Variants in UGT2B15 observed in about 807,000 individuals in gnomAD.
The protein encoded by UGT2B15 is UDP glucuronosyltransferase family 2 member B15.
In UGT2B15, 36 loss-of-function variants were observed where a neutral mutation model predicts 45.9. That is an observed-to-expected ratio of 0.78 (90% CI 0.60 to 1.04). The LOEUF (loss-of-function observed/expected upper bound fraction) is 1.04, where lower values mean the gene tolerates loss of function less well. Ranked by LOEUF, UGT2B15 falls within the 50% of genes least tolerant of loss-of-function variation. The pLI, the probability that UGT2B15 is intolerant of heterozygous loss-of-function variation, is 0.00. For synonymous variants in UGT2B15, 219 were observed against 216.4 expected, an observed-to-expected ratio of 1.01 and a Z score of -0.11; for missense variants, 617 against 622.4, an observed-to-expected ratio of 0.99 and a Z score of 0.09.
chr4:68,649,869 G>A (rs1348394657), intron 5 of UGT2B15, among the ~76,000 whole-genome samples: 2 of 150,766 alleles, frequency 1.3e-5, no homozygotes, highest in South Asian at 4.2e-4. Flanking sequence ...ATGGAGTCTC[G>A]CTCTGTCACC....
chr4:68,660,893 C>A (rs1732944685), intron 3 of UGT2B15, among the ~76,000 whole-genome samples: 1 of 151,866 alleles, frequency 6.6e-6, no homozygotes, highest in Admixed American at 6.6e-5. Flanking sequence ...AATCCACTTT[C>A]ATACCTGCCT....
chr4:68,654,243 G>A lies in UGT2B15; in HGVS notation c.1107C>T (p.Thr369=). 5 of 1,612,892 alleles carry A rather than the reference G, an allele frequency of 3.1e-6. No homozygotes were observed. Among genetic ancestry groups the A allele is most frequent in the Non-Finnish European group, 4.2e-6 (5 of 1,179,292 alleles). The stretch of plus-strand genomic sequence containing the variant: ...TTCCACCATGAGTTATAAAAGCTTT[G>A]GTTTTGGGATGACCTAAAAGTGGAT... ...PQNDLLGHPK[T]KAFITHGGTN... is the part of the protein sequence containing the mutation. Residue 369 remains threonine, a synonymous_variant, in exon 5 of 6, where the codon ACC becomes ACT. Coordinates refer to ENST00000338206, the MANE Select transcript of UGT2B15 (RefSeq NM_001076.4).
chr4:68,655,106 T>C lies in UGT2B15; in HGVS notation c.1082A>G (p.Asn361Ser), dbSNP rs373530772. ...NTRLYKWLPQ[N>S]DLLGHPKTKA... Reference sequence around the variant, plus strand: ...CTCCAGAATCTTACCAAGAAGGTCATTCTGGGGTAACCACTTGTACAGTCG... The same window carrying C: ...CTCCAGAATCTTACCAAGAAGGTCACTCTGGGGTAACCACTTGTACAGTCG... The change falls in exon 4 of 6, where the codon AAT (asparagine) becomes AGT (serine). Residue 361 changes from asparagine to serine, a missense_variant. Physicochemically the swap from Asn to Ser is conservative, Grantham distance 46. Coordinates refer to ENST00000338206, the MANE Select transcript of UGT2B15 (RefSeq NM_001076.4). 8 of 1,613,080 alleles carry C rather than the reference T, an allele frequency of 5.0e-6. No homozygotes were observed. In the African/African-American group the frequency reaches 9.3e-5, roughly 19 times the overall value.
chr4:68,649,185 A>G (rs566594220), intron 5 of UGT2B15, among the ~76,000 whole-genome samples: 1 of 150,836 alleles, frequency 6.6e-6, no homozygotes, highest in African/African-American at 2.4e-5. Context: ...AGAACATATA[A>G]TTTTTATGAA....
intron 4 of UGT2B15, 91 bp from the exon 5 acceptor site, chr4:68,654,347 T>A: frequency 7.4e-7 from 1 of 1,345,876 alleles, no homozygotes; most frequent in South Asian, 1.5e-5. Flanking sequence ...AAAGCAAAAC[T>A]GTTCCCTAGG....
At chr4:68,647,468 GT>G in intron 5 of UGT2B15, 85 bp from the exon 6 acceptor site, 1 of 1,401,122 alleles carries the variant, frequency 7.1e-7, no homozygotes, top group Non-Finnish European at 9.6e-7. Context: ...TTTGAAAAGT[GT>G]CACACAAATG....
chr4:68,656,004 CAAAG>C (rs1219975971), intron 3 of UGT2B15, among the ~76,000 whole-genome samples: 1 of 152,064 alleles, frequency 6.6e-6, no homozygotes, highest in Non-Finnish European at 1.5e-5. Context: ...ATGGCTCAAA[CAAAG>C]AAGACAATTG....
intron 3 of UGT2B15, among the ~76,000 whole-genome samples, chr4:68,656,360 C>T (rs1367598337): frequency 6.6e-6 from 1 of 151,102 alleles, no homozygotes; most frequent in African/African-American, 2.4e-5. Context: ...TTCTCCTTAC[C>T]ATTACAGTGC....
Position 68,670,128 on chromosome 4 carries a change from A to G in UGT2B15, c.491T>C (p.Leu164Pro). 3 of 1,614,114 alleles carry G rather than the reference A, an allele frequency of 1.9e-6. No individual in the cohort carries two copies. Among genetic ancestry groups the G allele is most frequent in the Non-Finnish European group, 2.5e-6 (3 of 1,179,982 alleles). Residue 164 changes from leucine to proline, a missense_variant, in exon 1 of 6, where the codon CTA (leucine) becomes CCA (proline). Coordinates refer to ENST00000338206, the MANE Select transcript of UGT2B15 (RefSeq NM_001076.4). ...LNPCGELLAELFNIPFLYSLR... is the reference protein window; with the variant it reads ...LNPCGELLAEPFNIPFLYSLR... ...ACTGTACAGAAAGGGTATGTTAAATAGTTCAGCCAGTAGCTCACCACAGGG... is the reference window on the plus strand; with the variant it reads ...ACTGTACAGAAAGGGTATGTTAAATGGTTCAGCCAGTAGCTCACCACAGGG...
intron 5 of UGT2B15, among the ~76,000 whole-genome samples, chr4:68,649,360 T>G (rs1412425476): frequency 7.2e-6 from 1 of 138,490 alleles, no homozygotes; most frequent in Non-Finnish European, 1.5e-5. Context: ...CTGACTGCAA[T>G]TTGCATCTCC....
intron 3 of UGT2B15, among the ~76,000 whole-genome samples, chr4:68,660,648 C>T (rs1732935658): frequency 6.6e-6 from 1 of 151,878 alleles, no homozygotes; most frequent in Admixed American, 6.6e-5. Context: ...TTGTTAGATT[C>T]TAGTCTTGCC....
Position 68,670,141 on chromosome 4 carries a change from G to T in UGT2B15, c.478C>A (p.Leu160Ile), listed in dbSNP as rs867290400. 3 of 1,614,080 alleles carry T rather than the reference G, an allele frequency of 1.9e-6. No individual in the cohort carries two copies. The highest frequency in any genetic ancestry group is 2.7e-5 in the African/African-American group (2 of 75,026). Reference protein sequence around the residue: ...LADALNPCGELLAELFNIPFL... With the variant: ...LADALNPCGEILAELFNIPFL... ...GGTATGTTAAATAGTTCAGCCAGTA[G>T]CTCACCACAGGGATTAAGGGCATCT... Residue 160 changes from leucine (L) to isoleucine (I), a missense_variant, in exon 1 of 6, where the codon CTA becomes ATA. By Grantham distance (5) the Leu-to-Ile change is conservative (BLOSUM62 2). Coordinates refer to ENST00000338206, the MANE Select transcript of UGT2B15 (RefSeq NM_001076.4).
intron 3 of UGT2B15, among the ~76,000 whole-genome samples, chr4:68,655,823 G>C (rs1004441926): frequency 2.6e-5 from 4 of 152,066 alleles, no homozygotes; most frequent in Admixed American, 6.6e-5. Context: ...CTGAGGCTGT[G>C]TCATGGGTGC....
Position 68,646,877 on chromosome 4 carries a change from C to T in UGT2B15, c.*227G>A, listed in dbSNP as rs35791822. The T allele has an allele frequency of 9.0e-6, 6 of 667,188 alleles. No homozygotes were observed. The highest frequency in any genetic ancestry group is 9.5e-6 in the Non-Finnish European group (4 of 420,934). 41.3% of individuals were successfully genotyped at this position (667,188 alleles called of 1,614,324 possible). A position where few individuals can be genotyped will look rare whatever the true frequency, so the allele number is the denominator to read the frequency against. The stretch of plus-strand genomic sequence containing the variant: ...TTAACATTAGGTATATCTCCAAATG[C>T]TATCCTTCCCCCCATTGTATTTTTC... On this transcript the variant is annotated 3_prime_UTR_variant, in exon 6 of 6. Transcript: ENST00000338206.
At chr4:68,664,963 T>C (rs910730698) in intron 2 of UGT2B15, among the ~76,000 whole-genome samples, 1 of 152,192 alleles carries the variant, frequency 6.6e-6, no homozygotes, top group Non-Finnish European at 1.5e-5. Context: ...TAGCCACATT[T>C]AATGTAACTT....
chr4:68,651,672 T>A (rs1202536753), intron 5 of UGT2B15, among the ~76,000 whole-genome samples: 1 of 152,094 alleles, frequency 6.6e-6, no homozygotes, highest in Non-Finnish European at 1.5e-5. Flanking sequence ...TTGTTAACAA[T>A]CAGAGGGTTG....
chr4:68,664,607 C>T (rs914575081), intron 2 of UGT2B15, among the ~76,000 whole-genome samples: 2 of 151,468 alleles, frequency 1.3e-5, no homozygotes, highest in African/African-American at 2.4e-5. Flanking sequence ...TTCTCTGTCA[C>T]CCAGGCTGGA....
chr4:68,660,877 A>G (rs1578198304), intron 3 of UGT2B15, among the ~76,000 whole-genome samples: 1 of 151,896 alleles, frequency 6.6e-6, no homozygotes, highest in Admixed American at 6.6e-5. Flanking sequence ...ACCAATTTAC[A>G]TACATAATCC....
At chr4:68,667,860 T>C (rs1733185691) in intron 2 of UGT2B15, among the ~76,000 whole-genome samples, 180 bp downstream of exon 2, 1 of 152,198 alleles carries the variant, frequency 6.6e-6, no homozygotes, top group African/African-American at 2.4e-5. Context: ...TCTTTGGTCT[T>C]TAATGATAAT....
Sources: allele counts gnomAD v4.1 joint callset (sites outside exome capture counted in the v4.1 genomes callset), GRCh38; gene constraint gnomAD v4.1.1; transcripts MANE v1.5; gene names NCBI Gene and HGNC (gene_info 2026-07-23, HGNC 2026-07-21).